The following ZNF608 variants were observed in gnomAD, a reference collection of about 807,000 sequenced individuals.
The protein encoded by ZNF608 is zinc finger protein 608.
A neutral mutation model predicts 109.0 loss-of-function variants in ZNF608; 12 were observed. The ratio of observed to expected loss-of-function variants is 0.11; its 90% confidence interval spans 0.07 to 0.18. ZNF608 has a LOEUF of 0.18. ZNF608 is among the 10% of genes least tolerant of loss of function. The pLI is 1.00. For synonymous variants in ZNF608, 732 were observed against 717.4 expected (o/e 1.02, Z -0.33); for missense variants, 1,707 against 1,879.3 (o/e 0.91, Z 1.70).
At chr5:124,656,578 T>A (rs1263501741) in intron 3 of ZNF608, among the ~76,000 whole-genome samples, 1 of 152,054 alleles carries the variant, frequency 6.6e-6, no homozygotes, top group Non-Finnish European at 1.5e-5. Context: ...CTAAACCCAA[T>A]CCACATACAA....
Position 124,693,974 on chromosome 5 carries a change from CTTTTTT to C in ZNF608, c.1162+7034_1162+7039del, listed in dbSNP as rs746610497. Among the ~76,000 whole-genome samples, 98 of 60,974 alleles carry C rather than the reference CTTTTTT, an allele frequency of 1.6e-3. 6 individuals are homozygous for C. Among genetic ancestry groups the C allele is most frequent in the African/African-American group, 7.1e-3 (94 of 13,228 alleles). The allele number at this position is 60,974 out of a possible 152,430, so 40.0% of individuals were successfully genotyped here. On this transcript the variant is annotated intron_variant, in intron 3 of 9. Transcript: ENST00000513986. ...GTGAAGCTGGTAACATTTCATTAATCTTTTTTTTTTTTTTTTTTTGAGAGAGAGTCT... is the reference window on the plus strand; with the variant it reads ...GTGAAGCTGGTAACATTTCATTAATCTTTTTTTTTTTTTGAGAGAGAGTCT...
rs1362556852 is a variant in ZNF608 at position 124,641,260 on chromosome 5, G to A, written c.4442C>T (p.Pro1481Leu). 6.2e-7 allele frequency: 1 copy of A among 1,613,666 alleles called. No individual in the cohort carries two copies. Among genetic ancestry groups the A allele is most frequent in the Admixed American group, 1.7e-5 (1 of 60,028 alleles). ...ATGATAGAGCTGCTGACCTTGAAAA[G>A]GGTCATATTGACCCGGGATTAGCGG... ...GYPLIPGQYD[P>L]FQGLTSAALV... The change falls in exon 8 of 10, where the codon CCT becomes CTT. Residue 1481 changes from proline to leucine, a missense_variant. Around this residue, in one of 7 missense-constraint regions of ZNF608, gnomAD observed 1,073 missense variants for 1,133.5 expected, o/e 0.95. Coordinates refer to ENST00000513986, the MANE Select transcript of ZNF608 (RefSeq NM_020747.3).
chr5:124,715,086 A>G (rs897114982), intron 2 of ZNF608, among the ~76,000 whole-genome samples: 1 of 152,192 alleles, frequency 6.6e-6, no homozygotes, highest in Non-Finnish European at 1.5e-5. Flanking sequence ...TACTTCAAGA[A>G]TCAAATGAAA....
At chr5:124,668,076 GCA>G (rs1751553699) in intron 3 of ZNF608, among the ~76,000 whole-genome samples, 1 of 151,844 alleles carries the variant, frequency 6.6e-6, no homozygotes, top group East Asian at 1.9e-4. Flanking sequence ...CAAAGGCCAG[GCA>G]TGGTGGCTCA....
rs769416527 is a variant in ZNF608 at position 124,648,078 on chromosome 5, G to T, written c.2306C>A (p.Pro769His). The T allele has an allele frequency of 2.5e-6, 4 of 1,614,170 alleles. No homozygotes were observed. Among genetic ancestry groups the T allele is most frequent in the Non-Finnish European group, 3.4e-6 (4 of 1,180,038 alleles). ...TTTTGTIPGL[P>H]SLTTTVVQAT... ...CTGAACAACAGTTGTTGTGAGGGAG[G>T]GCAGTCCGGGTATTGTCCCAGTGGT... The change falls in exon 5 of 10, where the codon CCC (proline) becomes CAC (histidine). Residue 769 changes from proline (P) to histidine (H), a missense_variant. Physicochemically the swap from Pro to His is moderately conservative, Grantham distance 77. This residue lies in a region of ZNF608 where 1,073 missense variants were observed against 1,133.5 expected (regional missense o/e 0.95). Coordinates refer to ENST00000513986, the MANE Select transcript of ZNF608 (RefSeq NM_020747.3).
At chr5:124,661,470 A>G (rs1751255167) in intron 3 of ZNF608, among the ~76,000 whole-genome samples, 1 of 133,544 alleles carries the variant, frequency 7.5e-6, no homozygotes, top group South Asian at 2.4e-4. Context: ...CAAAGTTCTT[A>G]TCTTTCAGGG....
At chr5:124,700,125 T>C (rs1752994785) in intron 3 of ZNF608, among the ~76,000 whole-genome samples, 1 of 152,186 alleles carries the variant, frequency 6.6e-6, no homozygotes, top group Admixed American at 6.5e-5. Context: ...TGTTCTCTGG[T>C]CCACTCTGAA....
intron 2 of ZNF608, among the ~76,000 whole-genome samples, chr5:124,725,373 G>A (rs1274519571): frequency 6.6e-6 from 1 of 151,994 alleles, no homozygotes; most frequent in East Asian, 1.9e-4. Context: ...CCCAGACTGT[G>A]CTAGGCATAT....
chr5:124,730,508 C>G (rs568528311), intron 2 of ZNF608, among the ~76,000 whole-genome samples: 1 of 152,296 alleles, frequency 6.6e-6, no homozygotes, highest in African/African-American at 2.4e-5. Flanking sequence ...ATGGAAAAGA[C>G]TGGTTTTTAC....
chr5:124,708,421 T>C (rs1753347714), intron 2 of ZNF608, among the ~76,000 whole-genome samples: 2 of 152,204 alleles, frequency 1.3e-5, no homozygotes, highest in Admixed American at 1.3e-4. Flanking sequence ...CCCTTCTAAA[T>C]GTAAAATAGA....
chr5:124,711,773 G>A (rs1753501416), intron 2 of ZNF608, among the ~76,000 whole-genome samples: 1 of 152,214 alleles, frequency 6.6e-6, no homozygotes, highest in African/African-American at 2.4e-5. Flanking sequence ...AGGGGGTGGG[G>A]CAGGGACAGG....
At chr5:124,733,217 CTTTTTTT>C (rs67421322) in intron 2 of ZNF608, among the ~76,000 whole-genome samples, 19 of 117,588 alleles carry the variant, frequency 1.6e-4, no homozygotes, top group African/African-American at 4.8e-4. Flanking sequence ...ATCTCTCTCT[CTTTTTTT>C]TTTTTTTTTT....
At chr5:124,642,916 C>T (rs1277734026) in intron 7 of ZNF608, among the ~76,000 whole-genome samples, 1 of 151,874 alleles carries the variant, frequency 6.6e-6, no homozygotes, top group Non-Finnish European at 1.5e-5. Context: ...AGGCTGGTCT[C>T]GAATTCCTGA....
chr5:124,720,034 C>T (rs1753845697), intron 2 of ZNF608, among the ~76,000 whole-genome samples: 1 of 152,140 alleles, frequency 6.6e-6, no homozygotes. Context: ...AACAAAACAA[C>T]CAACAGGAGT....
chr5:124,637,901 T>C lies in ZNF608; in HGVS notation c.4538A>G (p.Ter1513=). ...TGACAATGTACATGTCCAATCTTGT[T>C]ATTCTCTGCAAAAGAAAAGCAAACC... is the stretch of plus-strand genomic sequence containing the variant. ...SGMFPGQRRE[*] is the part of the protein sequence containing the mutation. The change falls in exon 10 of 10, where the codon TAA becomes TGA. Residue 1513 remains the stop codon, a stop_retained_variant. Coordinates refer to ENST00000513986, the MANE Select transcript of ZNF608 (RefSeq NM_020747.3). The C allele has an allele frequency of 6.2e-7, 1 of 1,611,816 alleles. No individual in the cohort carries two copies. Among genetic ancestry groups the C allele is most frequent in the African/African-American group, 1.3e-5 (1 of 74,924 alleles).
At chr5:124,746,700 G>A, upstream of ZNF608, 1 of 985,260 alleles carries the variant, frequency 1.0e-6, no homozygotes, top group Non-Finnish European at 1.2e-6. Flanking sequence ...TAAGAAGAAA[G>A]GACTGAAAAT....
At chr5:124,678,840 G>A (rs1752074382) in intron 3 of ZNF608, among the ~76,000 whole-genome samples, 1 of 152,122 alleles carries the variant, frequency 6.6e-6, no homozygotes, top group Admixed American at 6.5e-5. Flanking sequence ...AAAGATTGGT[G>A]TATTTTCCCA....
chr5:124,713,878 T>G (rs1209361090), intron 2 of ZNF608, among the ~76,000 whole-genome samples: 1 of 152,106 alleles, frequency 6.6e-6, no homozygotes, highest in Non-Finnish European at 1.5e-5. Context: ...AGTAAACATA[T>G]AGATCCATCT....
chr5:124,652,598 G>A (rs969795088), intron 3 of ZNF608, among the ~76,000 whole-genome samples: 2 of 152,182 alleles, frequency 1.3e-5, no homozygotes, highest in Admixed American at 1.3e-4. Flanking sequence ...GAAGGCTTAA[G>A]GAATGTTTCT....
Sources: gnomAD v4.1 joint callset for allele counts (sites outside exome capture counted in the v4.1 genomes callset) on GRCh38, gnomAD v4.1.1 for gene constraint, gnomAD v4.1.1 regional missense constraint, MANE v1.5 for transcripts, NCBI Gene and HGNC (gene_info 2026-07-23, HGNC 2026-07-21) for gene names.